The following ARB2A variants were observed in gnomAD, a reference collection of about 807,000 sequenced individuals.
The protein encoded by ARB2A is ARB2 cotranscriptional regulator A, also known as cotranscriptional regulator ARB2A.
chr5:93,897,735 T>C, the ARB2A span, among the ~76,000 whole-genome samples: 16 of 151,794 alleles, frequency 1.1e-4, no homozygotes, highest in African/African-American at 3.6e-4. Flanking sequence ...CTAAAAATAT[T>C]TGGGGGAGAG....
the ARB2A span, among the ~76,000 whole-genome samples, chr5:93,756,071 G>A: frequency 6.6e-6 from 1 of 152,144 alleles, no homozygotes; most frequent in Non-Finnish European, 1.5e-5. Flanking sequence ...TTCAGTATGT[G>A]TGGGAGCTGG....
chr5:93,670,542 G>A, the ARB2A span, among the ~76,000 whole-genome samples: 1 of 152,190 alleles, frequency 6.6e-6, no homozygotes, highest in Non-Finnish European at 1.5e-5. Context: ...TCAGGGCCAT[G>A]TACCATGTCT....
the ARB2A span, among the ~76,000 whole-genome samples, chr5:94,079,001 G>A: frequency 6.6e-6 from 1 of 152,020 alleles, no homozygotes; most frequent in East Asian, 1.9e-4. Flanking sequence ...ACTAATTTGT[G>A]CTCAAACTGC....
At chr5:93,659,236 T>A in the ARB2A span, among the ~76,000 whole-genome samples, 2 of 151,916 alleles carry the variant, frequency 1.3e-5, no homozygotes, top group African/African-American at 4.8e-5. Flanking sequence ...TTAAAAAAAA[T>A]CAGAATTTCA....
the ARB2A span, among the ~76,000 whole-genome samples, chr5:93,650,158 GAAA>G: frequency 0.22 from 31,062 of 138,616 alleles, 4,726 homozygotes; most frequent in African/African-American, 0.44. Context: ...TATCAAGAAG[GAAA>G]AAAAAAAAAA....
the ARB2A span, among the ~76,000 whole-genome samples, chr5:93,780,701 G>A: frequency 1.3e-5 from 2 of 151,884 alleles, no homozygotes; most frequent in Admixed American, 6.6e-5. Flanking sequence ...CTGGGATTAC[G>A]GGCGCCTGCC....
chr5:93,709,830 A>G, the ARB2A span, among the ~76,000 whole-genome samples: 4 of 152,102 alleles, frequency 2.6e-5, no homozygotes, highest in African/African-American at 9.7e-5. Flanking sequence ...ACACATATAT[A>G]TGTATTTCCA....
At chr5:93,634,399 A>C in the ARB2A span, among the ~76,000 whole-genome samples, 1 of 151,688 alleles carries the variant, frequency 6.6e-6, no homozygotes, top group Admixed American at 6.6e-5. Flanking sequence ...ACTGTCTCAA[A>C]AAAAAACAAA....
At chr5:93,850,305 C>T in the ARB2A span, among the ~76,000 whole-genome samples, 1 of 152,056 alleles carries the variant, frequency 6.6e-6, no homozygotes, top group African/African-American at 2.4e-5. Flanking sequence ...GAGGAAGAGA[C>T]CAGAGTTATT....
the ARB2A span, among the ~76,000 whole-genome samples, chr5:93,671,477 T>C: frequency 6.6e-6 from 1 of 152,106 alleles, no homozygotes; most frequent in East Asian, 1.9e-4. Context: ...GAGCTGAGGA[T>C]TCACATCCTT....
the ARB2A span, among the ~76,000 whole-genome samples, chr5:94,110,390 T>C: frequency 3.9e-5 from 6 of 152,320 alleles, no homozygotes; most frequent in Non-Finnish European, 7.3e-5. Flanking sequence ...CATGGTTTCA[T>C]AGATAATATT....
the ARB2A span, among the ~76,000 whole-genome samples, chr5:93,962,481 A>T: frequency 2.6e-5 from 4 of 152,168 alleles, no homozygotes; most frequent in Admixed American, 2.6e-4. Context: ...TCATTTAAAA[A>T]ATGGTTCTTT....
chr5:93,892,276 A>C, the ARB2A span, among the ~76,000 whole-genome samples: 2 of 152,184 alleles, frequency 1.3e-5, no homozygotes, highest in Non-Finnish European at 2.9e-5. Context: ...AACTGCTTCA[A>C]ATCAAACAAT....
the ARB2A span, among the ~76,000 whole-genome samples, chr5:93,747,165 A>C: frequency 1.3e-5 from 2 of 152,170 alleles, no homozygotes; most frequent in Admixed American, 6.5e-5. Flanking sequence ...GGAAACTAGT[A>C]ATCATAATGT....
the ARB2A span, chr5:93,682,750 G>A: frequency 2.7e-6 from 2 of 751,482 alleles, no homozygotes; most frequent in African/African-American, 1.7e-5. Flanking sequence ...TTCTCACTCT[G>A]CATTATAAAA....
At chr5:93,906,363 A>C in the ARB2A span, among the ~76,000 whole-genome samples, 1 of 151,406 alleles carries the variant, frequency 6.6e-6, no homozygotes, top group African/African-American at 2.4e-5. Context: ...AATTCAGAAA[A>C]TTTGGTTTAA....
the ARB2A span, among the ~76,000 whole-genome samples, chr5:93,966,630 T>C: frequency 1.3e-5 from 2 of 152,062 alleles, no homozygotes; most frequent in Non-Finnish European, 2.9e-5. Flanking sequence ...AAAGCAACCA[T>C]AGATGAAATC....
the ARB2A span, among the ~76,000 whole-genome samples, chr5:93,856,406 G>C: frequency 2.6e-5 from 4 of 152,268 alleles, no homozygotes; most frequent in South Asian, 4.1e-4. Context: ...CTCCCCGTCA[G>C]TTTCAGGTAC....
At chr5:94,041,930 T>C in the ARB2A span, among the ~76,000 whole-genome samples, 1 of 146,038 alleles carries the variant, frequency 6.8e-6, no homozygotes. Context: ...TACCAAGATT[T>C]TTCACAAAAA....
Sources: gnomAD v4.1 joint callset for allele counts (sites outside exome capture counted in the v4.1 genomes callset) on GRCh38, gnomAD v4.1.1 for gene constraint, MANE v1.5 for transcripts, NCBI Gene and HGNC (gene_info 2026-07-23, HGNC 2026-07-21) for gene names.